LAT2: variants seen among roughly 807,000 people sequenced by gnomAD.
LAT2 encodes linker for activation of T-cells family member 2.
Under a neutral mutation model 43.4 loss-of-function variants are expected in LAT2, and 23 were observed. The observed-to-expected ratio is 0.53, with a 90% confidence interval of 0.38 to 0.75. The LOEUF is 0.75. Among genes scored for constraint, LAT2 ranks in the 30% least tolerant of loss-of-function variants. LAT2 has a pLI of 0.00. For missense variants in LAT2, 284 were observed against 310.2 expected, an observed-to-expected ratio of 0.92 and a Z score of 0.64; for synonymous variants, 128 against 123.2, an observed-to-expected ratio of 1.04 and a Z score of -0.26.
At chr7:74,228,693 G>A (rs1370457521) in intron 13 of LAT2, among the ~76,000 whole-genome samples, 9 of 150,944 alleles carry the variant, frequency 6.0e-5, no homozygotes, top group Non-Finnish European at 1.0e-4. Flanking sequence ...GGAGGCTGAG[G>A]CAGGAGAATG....
rs1802245983 is a variant in LAT2, at chr7:74,220,853, G to A, written c.332+119G>A. The A allele has an allele frequency of 2.3e-6, 2 of 858,078 alleles. No individual in the cohort carries two copies. The highest frequency in any genetic ancestry group is 3.5e-6 in the Non-Finnish European group (2 of 568,602). The allele number at this position is 858,078 out of a possible 1,614,324, so 53.2% of individuals were successfully genotyped here. A position where few individuals can be genotyped will look rare whatever the true frequency, so the allele number is the denominator to read the frequency against. The stretch of plus-strand genomic sequence containing the variant: ...CACAGCCCTGGGCTTCCTGGTCCAG[G>A]AACCACCTCTTGCACTAGAACGAGG... On this transcript the variant is annotated intron_variant, in intron 9 of 13. Transcript: ENST00000460943. This position sits in a 1 kb window ranked among gnomAD's most constrained non-coding sequence, Gnocchi z 4.5.
intron 2 of LAT2, 39 bp from the exon 3 acceptor site, chr7:74,215,908 A>C (rs1392404172): frequency 3.4e-6 from 5 of 1,460,422 alleles, no homozygotes; most frequent in Non-Finnish European, 4.8e-6. Context: ...AGGATTCCTG[A>C]AAAAGGGGCC....
Position 74,220,754 on chromosome 7 carries a change from T to TCC in LAT2, c.332+25_332+26dup. ...CTACATGTGAGTGACCTTGATCCTG[T>TCC]CCCCCCTGCCTCGCCTCTCCCCCTG... is the stretch of plus-strand genomic sequence containing the variant. On this transcript the variant is annotated intron_variant, in intron 9 of 13. Coordinates refer to ENST00000460943, the MANE Select transcript of LAT2 (RefSeq NM_032464.3). This position sits in a 1 kb window ranked among gnomAD's most constrained non-coding sequence, Gnocchi z 4.5. 1 of 1,528,826 alleles carries TCC rather than the reference T, an allele frequency of 6.5e-7. No individual in the cohort carries two copies. The highest frequency in any genetic ancestry group is 1.2e-5 in the South Asian group (1 of 82,426). 94.7% of individuals were successfully genotyped at this position (1,528,826 alleles called of 1,614,324 possible). A position where few individuals can be genotyped will look rare whatever the true frequency, so the allele number is the denominator to read the frequency against.
chr7:74,228,483 CA>C (rs1458489835), intron 13 of LAT2, among the ~76,000 whole-genome samples: 1 of 115,384 alleles, frequency 8.7e-6, no homozygotes, highest in Non-Finnish European at 1.8e-5. Context: ...CTCAAAAACA[CA>C]AAAACAAACA....
At chr7:74,219,814 G>C (rs782478578) in intron 5 of LAT2, 27 bp downstream of exon 5, 2 of 1,613,870 alleles carry the variant, frequency 1.2e-6, no homozygotes, top group East Asian at 4.5e-5. Context: ...CCCCGGGTTG[G>C]GCTCTGGGTT....
In LAT2 at chr7:74,220,564, T is replaced by C; in HGVS notation, c.266-20T>C. 1 of 1,613,894 alleles carries C rather than the reference T, an allele frequency of 6.2e-7. No individual in the cohort carries two copies. Among genetic ancestry groups the C allele is most frequent in the Admixed American group, 1.7e-5 (1 of 59,990 alleles). ...AGCAGGGGCCAGGGGAGAAAGCAAT[T>C]AGCTGGGTCTTTCTTCCAGATCCAG... On this transcript the variant is annotated intron_variant, in intron 7 of 13. Transcript: ENST00000460943. The surrounding 1 kb of genome is among the most constrained non-coding windows in gnomAD (Gnocchi z 4.5).
At chr7:74,224,866 A>G (rs1802429253) in intron 13 of LAT2, 106 bp downstream of exon 13, 2 of 826,934 alleles carry the variant, frequency 2.4e-6, no homozygotes, top group African/African-American at 1.7e-5. Flanking sequence ...TGGAGGGGCC[A>G]TGGTGGGGGC....
chr7:74,227,587 C>A (rs1362873883), intron 13 of LAT2, among the ~76,000 whole-genome samples: 4 of 152,130 alleles, frequency 2.6e-5, no homozygotes, highest in African/African-American at 9.7e-5. Context: ...GTTGGGCAGA[C>A]AAATGGGTAC....
chr7:74,218,933 G>C (rs548339142), intron 4 of LAT2, among the ~76,000 whole-genome samples: 47 of 149,954 alleles, frequency 3.1e-4, no homozygotes, highest in African/African-American at 1.2e-3. Context: ...CCCAACCTCA[G>C]GTGATTCGCC....
chr7:74,220,213 G>A lies in LAT2; in HGVS notation c.228-4G>A, dbSNP rs1554714930. On this transcript the variant is annotated splice_region_variant and splice_polypyrimidine_tract_variant and intron_variant, in intron 6 of 13. Coordinates refer to ENST00000460943, the MANE Select transcript of LAT2 (RefSeq NM_032464.3). This position sits in a 1 kb window ranked among gnomAD's most constrained non-coding sequence, Gnocchi z 4.5. ...TTTAACTCCCTCCTTCCCCCTCCCT[G>A]CAGGAAGGACAAGCTGTTGCAATTC... The A allele has an allele frequency of 1.9e-6, 3 of 1,608,526 alleles. No homozygotes were observed. Among genetic ancestry groups the A allele is most frequent in the East Asian group, 2.2e-5 (1 of 44,804 alleles).
At chr7:74,227,077 T>C (rs1455230189) in intron 13 of LAT2, among the ~76,000 whole-genome samples, 1 of 149,834 alleles carries the variant, frequency 6.7e-6, no homozygotes, top group Non-Finnish European at 1.5e-5. Flanking sequence ...TTTTCGTTCC[T>C]GTCGCCCAGG....
intron 1 of LAT2, among the ~76,000 whole-genome samples, chr7:74,212,999 G>A (rs782107480): frequency 1.3e-5 from 2 of 152,216 alleles, no homozygotes; most frequent in Non-Finnish European, 2.9e-5. Context: ...GGGAAGTCCA[G>A]AGAGGTCCTG....
At chr7:74,216,120 C>CCTGA in intron 3 of LAT2, 51 bp downstream of exon 3, 3 of 1,446,512 alleles carry the variant, frequency 2.1e-6, no homozygotes, top group Non-Finnish European at 2.8e-6. Context: ...GACAGTGCAT[C>CCTGA]TCAGAGGCCC....
intron 3 of LAT2, among the ~76,000 whole-genome samples, 162 bp downstream of exon 3, chr7:74,216,231 G>A (rs781925031): frequency 6.6e-6 from 1 of 152,072 alleles, no homozygotes; most frequent in Non-Finnish European, 1.5e-5. Flanking sequence ...ATGGTCAGGT[G>A]CACCCGAGGG....
intron 1 of LAT2, 36 bp downstream of exon 1, chr7:74,210,124 T>G (rs1554712928): frequency 6.6e-6 from 1 of 152,516 alleles, no homozygotes; most frequent in Non-Finnish European, 1.5e-5. Context: ...GTCCTCAGGC[T>G]GTCCCCCATC....
intron 1 of LAT2, 101 bp from the exon 2 acceptor site, chr7:74,214,721 A>AT (rs1554713950): frequency 8.5e-5 from 9 of 105,452 alleles, no homozygotes; most frequent in African/African-American, 1.7e-4. Flanking sequence ...ATATATATAA[A>AT]AATATAAATA....
rs201853833 is a variant in LAT2, at chr7:74,220,268, G to C, written c.265+14G>C. On this transcript the variant is annotated intron_variant, in intron 7 of 13. Transcript: ENST00000460943. This position sits in a 1 kb window ranked among gnomAD's most constrained non-coding sequence, Gnocchi z 4.5. ...CCAGCCTGGAGGGTGAGTGGCACAGGGCAGGGACAGGGACAGGCCTAGCCA... is the reference window on the plus strand; with the variant it reads ...CCAGCCTGGAGGGTGAGTGGCACAGCGCAGGGACAGGGACAGGCCTAGCCA... 1.7e-4 allele frequency: 268 copies of C among 1,610,252 alleles called. No homozygotes were observed. Among genetic ancestry groups the C allele is most frequent in the Non-Finnish European group, 2.1e-4 (253 of 1,177,584 alleles).
At chr7:74,211,524 C>A (rs1210667105) in intron 1 of LAT2, among the ~76,000 whole-genome samples, 2 of 151,996 alleles carry the variant, frequency 1.3e-5, no homozygotes, top group African/African-American at 4.8e-5. Flanking sequence ...GTGGTGCAAT[C>A]TTGGCTCACT....
rs371014575 is a variant in LAT2 at position 74,224,036 on chromosome 7, T to C, written c.467T>C (p.Ile156Thr). The change falls in exon 12 of 14, where the codon ATA becomes ACA. Residue 156 changes from isoleucine to threonine, a missense_variant. By Grantham distance (89) the Ile-to-Thr change is moderately conservative. Coordinates refer to ENST00000460943, the MANE Select transcript of LAT2 (RefSeq NM_032464.3). ...TTETGAQQEG[I>T]GGLCRGDLSL... ...TCTGCAGGTGCCCAGCAGGAGGGCATAGGTGGCCTCTGCAGAGGGGACCTC... is the reference window on the plus strand; with the variant it reads ...TCTGCAGGTGCCCAGCAGGAGGGCACAGGTGGCCTCTGCAGAGGGGACCTC... 222 of 1,613,968 alleles carry C rather than the reference T, an allele frequency of 1.4e-4. No homozygotes were observed. Among genetic ancestry groups the C allele is most frequent in the Non-Finnish European group, 1.7e-4 (204 of 1,179,950 alleles).
Sources: allele counts gnomAD v4.1 joint callset (sites outside exome capture counted in the v4.1 genomes callset), GRCh38; gene constraint gnomAD v4.1.1; non-coding constraint Gnocchi (gnomAD v3.1); transcripts MANE v1.5; gene names NCBI Gene and HGNC (gene_info 2026-07-23, HGNC 2026-07-21).